Variants in ANO4 observed in about 807,000 individuals in gnomAD.
The protein encoded by ANO4 is anoctamin 4, also known as anoctamin-4.
Under a neutral mutation model 141.9 loss-of-function variants are expected in ANO4, and 69 were observed. The observed-to-expected ratio is 0.49, with a 90% CI of 0.40 to 0.59. The LOEUF is 0.59. ANO4 is among the 20% of genes least tolerant of loss of function. The probability of loss-of-function intolerance (pLI) is 0.00; values close to 1 mark genes in which losing one functional copy is unlikely to be tolerated. For missense variants in ANO4, 894 were observed against 1,162.2 expected, an observed-to-expected ratio of 0.77 and a Z score of 3.36; for synonymous variants, 350 against 394.3, an observed-to-expected ratio of 0.89 and a Z score of 1.33.
chr12:100,911,838 T>A (rs941161797), intron 2 of ANO4, among the ~76,000 whole-genome samples: 2 of 152,216 alleles, frequency 1.3e-5, no homozygotes, highest in African/African-American at 4.8e-5. Context: ...GATAAACTTA[T>A]GCTTTAGGGA....
At chr12:100,929,837 A>G (rs1464849929) in intron 3 of ANO4, among the ~76,000 whole-genome samples, 2 of 151,884 alleles carry the variant, frequency 1.3e-5, no homozygotes, top group South Asian at 2.1e-4. Flanking sequence ...TTCCAACTTT[A>G]TTTTACAATG....
chr12:100,959,416 C>T (rs1038998795), intron 5 of ANO4, among the ~76,000 whole-genome samples: 1 of 152,222 alleles, frequency 6.6e-6, no homozygotes, highest in Non-Finnish European at 1.5e-5. Flanking sequence ...GACCCCTATA[C>T]TCTCCTCTAA....
At chr12:100,874,082 G>A (rs1223678612) in intron 1 of ANO4, among the ~76,000 whole-genome samples, 1 of 152,256 alleles carries the variant, frequency 6.6e-6, no homozygotes, top group African/African-American at 2.4e-5. Flanking sequence ...TGTGCACAGA[G>A]GGCAAGAGTT....
intron 3 of ANO4, among the ~76,000 whole-genome samples, chr12:100,929,758 C>T (rs181055378): frequency 6.6e-6 from 1 of 152,268 alleles, no homozygotes; most frequent in Non-Finnish European, 1.5e-5. Context: ...CTCTTCTCCA[C>T]ATCCTTGCCA....
chr12:101,117,562 A>G (rs904554689), intron 25 of ANO4, among the ~76,000 whole-genome samples: 7 of 152,198 alleles, frequency 4.6e-5, no homozygotes, highest in Admixed American at 4.6e-4. Context: ...CTTTGACGTT[A>G]TAAGAATTTT....
At chr12:100,745,790 C>T (rs2032074810) in intron 3 of ANO4, among the ~76,000 whole-genome samples, 1 of 152,070 alleles carries the variant, frequency 6.6e-6, no homozygotes, top group Non-Finnish European at 1.5e-5. Context: ...GATGAGGAGA[C>T]ACAAATTCTT....
chr12:101,105,245 T>G (rs1198356405), intron 22 of ANO4, among the ~76,000 whole-genome samples: 1 of 152,194 alleles, frequency 6.6e-6, no homozygotes, highest in East Asian at 1.9e-4. Flanking sequence ...TGACCAGCTT[T>G]AAGTGATTTC....
chr12:100,917,187 AT>A (rs1394156945), intron 2 of ANO4, among the ~76,000 whole-genome samples: 3 of 151,736 alleles, frequency 2.0e-5, no homozygotes, highest in Non-Finnish European at 2.9e-5. Context: ...GCTATTCTTG[AT>A]TTTTTTTTAA....
intron 15 of ANO4, among the ~76,000 whole-genome samples, chr12:101,081,011 ATATG>A (rs975799717): frequency 5.9e-5 from 7 of 119,400 alleles, no homozygotes; most frequent in Non-Finnish European, 1.2e-4. Context: ...ATACATATAT[ATATG>A]TATGTGAGTG....
chr12:100,935,517 A>G (rs1487656315), intron 3 of ANO4, among the ~76,000 whole-genome samples: 1 of 152,230 alleles, frequency 6.6e-6, no homozygotes, highest in Non-Finnish European at 1.5e-5. Flanking sequence ...TCTACCAGGC[A>G]GATAATTATC....
At chr12:101,016,129 G>A (rs1375461159) in intron 8 of ANO4, among the ~76,000 whole-genome samples, 2 of 152,146 alleles carry the variant, frequency 1.3e-5, no homozygotes, top group African/African-American at 2.4e-5. Flanking sequence ...TAGCCCCTGT[G>A]TTAGGTTATT....
At chr12:100,825,833 C>T (rs932470057) in intron 1 of ANO4, among the ~76,000 whole-genome samples, 1 of 152,132 alleles carries the variant, frequency 6.6e-6, no homozygotes, top group South Asian at 2.1e-4. Context: ...CAATTATGTG[C>T]AACCTATTGA....
chr12:101,068,827 G>T (rs1005301700), intron 14 of ANO4: 4 of 1,071,662 alleles, frequency 3.7e-6, no homozygotes, highest in Non-Finnish European at 5.8e-6. Context: ...ATTGAAGGTT[G>T]CTGAGCTATT....
rs187299802 is a variant in ANO4, at chr12:100,733,101, C to T, written c.23-673C>T. Among the ~76,000 whole-genome samples the T allele has an allele frequency of 9.8e-4, 149 of 152,300 alleles. 1 individual carries two copies. Among genetic ancestry groups the T allele is most frequent in the African/African-American group, 3.1e-3 (130 of 41,566 alleles). ...CTTCTACTCTCATCTCAGTGTCCTC[C>T]AATCTATCCTGGAAACTGCCACAAA... On this transcript the variant is annotated intron_variant, in intron 1 of 29. Coordinates refer to the ANO4 transcript ENST00000644049.
chr12:100,916,368 T>TA lies in ANO4; in HGVS notation c.56-5849dup, dbSNP rs557156592. Among the ~76,000 whole-genome samples, 6 of 151,368 alleles carry TA rather than the reference T, an allele frequency of 4.0e-5. No homozygotes were observed. In the East Asian group the frequency reaches 7.7e-4, roughly 20 times the overall value. On this transcript the variant is annotated intron_variant, in intron 2 of 27. Coordinates refer to ENST00000392977, the MANE Select transcript of ANO4 (RefSeq NM_001286615.2). ...TATCAAGATGCTTTAAATTGTAGAC[T>TA]AAAAAAAAATCAGAGCGTCTTCTTA...
At chr12:100,775,141 TCA>T (rs1359647550) in intron 3 of ANO4, among the ~76,000 whole-genome samples, 2 of 152,210 alleles carry the variant, frequency 1.3e-5, no homozygotes, top group Admixed American at 1.3e-4. Context: ...ATCTTGCTTT[TCA>T]AATTTGCATT....
intron 3 of ANO4, among the ~76,000 whole-genome samples, chr12:100,742,892 C>T (rs935472405): frequency 1.3e-5 from 2 of 152,132 alleles, no homozygotes; most frequent in African/African-American, 4.8e-5. Flanking sequence ...CTGCTTGTCA[C>T]CTTGTGCAGT....
chr12:100,991,695 T>G (rs1566099639), intron 8 of ANO4, among the ~76,000 whole-genome samples: 1 of 152,156 alleles, frequency 6.6e-6, no homozygotes, highest in Non-Finnish European at 1.5e-5. Flanking sequence ...CCACCCATTT[T>G]AATTACTTTC....
chr12:100,819,038 TA>T (rs2035886378), intron 1 of ANO4, among the ~76,000 whole-genome samples: 1 of 99,138 alleles, frequency 1.0e-5, no homozygotes, highest in Admixed American at 1.0e-4. Flanking sequence ...TATGTGTGTA[TA>T]TATATATGTG....
Sources: allele counts gnomAD v4.1 joint callset (sites outside exome capture counted in the v4.1 genomes callset), GRCh38; gene constraint gnomAD v4.1.1; transcripts MANE v1.5; gene names NCBI Gene and HGNC (gene_info 2026-07-23, HGNC 2026-07-21).